Variants in PDXDC1 observed in about 807,000 individuals in gnomAD.
PDXDC1 encodes pyridoxal dependent decarboxylase domain containing 1.
In PDXDC1, 42 loss-of-function variants were observed where a neutral mutation model predicts 100.1. The ratio of observed to expected loss-of-function variants is 0.42; its 90% CI spans 0.33 to 0.54. The LOEUF (loss-of-function observed/expected upper bound fraction) is 0.54, where lower values mean the gene tolerates loss of function less well. Ranked by LOEUF, PDXDC1 falls within the 20% of genes least tolerant of loss-of-function variation. The pLI is 0.10. For synonymous variants in PDXDC1, 260 were observed against 371.7 expected, an observed-to-expected ratio of 0.70 and a Z score of 3.46; for missense variants, 636 against 979.2, an observed-to-expected ratio of 0.65 and a Z score of 4.68.
intron 16 of PDXDC1, among the ~76,000 whole-genome samples, chr16:15,099,624 G>A (rs1019191850): frequency 6.6e-6 from 1 of 151,190 alleles, no homozygotes; most frequent in African/African-American, 2.4e-5. Flanking sequence ...GGTGGGGGAG[G>A]GATAAAGAAA....
chr16:14,980,088 G>C (rs373140811), intron 1 of PDXDC1, among the ~76,000 whole-genome samples: 109 of 152,216 alleles, frequency 7.2e-4, no homozygotes, highest in Non-Finnish European at 1.3e-4. Context: ...GATGGGACTC[G>C]GCCATAGTAC....
At chr16:14,997,732 C>T (rs1597384390) in intron 1 of PDXDC1, 21 bp from the exon 2 acceptor site, 8 of 1,506,690 alleles carry the variant, frequency 5.3e-6, no homozygotes, top group South Asian at 1.2e-5. Flanking sequence ...AAATTTCTTT[C>T]TTTTTTTTTT....
intron 16 of PDXDC1, among the ~76,000 whole-genome samples, chr16:15,058,719 A>G (rs2044612571): frequency 6.6e-6 from 1 of 152,224 alleles, no homozygotes; most frequent in African/African-American, 2.4e-5. Flanking sequence ...TGACAGAGTG[A>G]GACTCTTGTC....
intron 16 of PDXDC1, among the ~76,000 whole-genome samples, chr16:15,129,141 T>G (rs916739913): frequency 2.0e-5 from 3 of 151,434 alleles, no homozygotes; most frequent in Non-Finnish European, 4.4e-5. Context: ...AAGAAAGAAC[T>G]GGGAAATGAA....
intron 16 of PDXDC1, among the ~76,000 whole-genome samples, chr16:15,095,567 A>G (rs965086698): frequency 1.3e-5 from 2 of 151,998 alleles, no homozygotes; most frequent in Non-Finnish European, 2.9e-5. Flanking sequence ...ATGCATATGT[A>G]TGGGCCCGGC....
intron 16 of PDXDC1, among the ~76,000 whole-genome samples, chr16:15,122,053 A>C (rs1218050528): frequency 6.6e-6 from 1 of 151,698 alleles, no homozygotes; most frequent in Non-Finnish European, 1.5e-5. Context: ...AATCTGAGCT[A>C]CTCAGGAGGC....
chr16:15,083,818 G>A (rs1358256712), intron 16 of PDXDC1: 4 of 408,160 alleles, frequency 9.8e-6, no homozygotes, highest in East Asian at 1.2e-4. Flanking sequence ...CCAGGTTCAA[G>A]CGATTCTCCT....
chr16:15,030,308 G>T (rs1160301905), intron 16 of PDXDC1, among the ~76,000 whole-genome samples: 1 of 152,234 alleles, frequency 6.6e-6, no homozygotes, highest in Non-Finnish European at 1.5e-5. Flanking sequence ...ACCTTGGGAG[G>T]CCAAGGCAGG....
chr16:15,046,400 G>C (rs1041983963), intron 16 of PDXDC1, among the ~76,000 whole-genome samples: 2 of 152,186 alleles, frequency 1.3e-5, no homozygotes, highest in Non-Finnish European at 2.9e-5. Flanking sequence ...ACAGGTGTGT[G>C]AACAGTGGTC....
At chr16:15,047,682 C>T in intron 16 of PDXDC1, 1 of 909,284 alleles carries the variant, frequency 1.1e-6, no homozygotes, top group South Asian at 1.4e-5. Context: ...CAGGTCTGTG[C>T]TCCCCAGCCA....
At chr16:15,034,860 A>C (rs1160830450) in intron 21 of PDXDC1, among the ~76,000 whole-genome samples, 1 of 152,192 alleles carries the variant, frequency 6.6e-6, no homozygotes, top group African/African-American at 2.4e-5. Flanking sequence ...ATTTTGGTTC[A>C]GGGTTAATAC....
At chr16:15,111,419 G>A (rs958685067) in intron 16 of PDXDC1, among the ~76,000 whole-genome samples, 2 of 135,522 alleles carry the variant, frequency 1.5e-5, no homozygotes, top group African/African-American at 5.4e-5. Context: ...TTGTGCCATT[G>A]CACTCCAACC....
intron 16 of PDXDC1, among the ~76,000 whole-genome samples, chr16:15,091,713 C>T (rs965358589): frequency 6.6e-6 from 1 of 152,174 alleles, no homozygotes; most frequent in Non-Finnish European, 1.5e-5. Flanking sequence ...AAAGTATTCA[C>T]TCAAATATGG....
At chr16:15,142,018 G>C (rs996113148), downstream of PDXDC1, among the ~76,000 whole-genome samples, 1 of 152,220 alleles carries the variant, frequency 6.6e-6, no homozygotes, top group African/African-American at 2.4e-5. Context: ...GGTGAACACA[G>C]GCAGGCCCCC....
At chr16:15,131,532 C>T in intron 16 of PDXDC1, 1 of 1,609,292 alleles carries the variant, frequency 6.2e-7, no homozygotes, top group Admixed American at 1.7e-5. Flanking sequence ...CCACGATCTC[C>T]TCGCCCGCCA....
intron 16 of PDXDC1, among the ~76,000 whole-genome samples, chr16:15,049,080 G>C (rs891413633): frequency 6.8e-6 from 1 of 147,300 alleles, no homozygotes; most frequent in African/African-American, 2.5e-5. Flanking sequence ...TTTTTGTAGC[G>C]ACGGGGTCTC....
intron 16 of PDXDC1, chr16:15,094,630 G>T (rs2046287178): frequency 7.4e-6 from 2 of 269,738 alleles, no homozygotes; most frequent in Non-Finnish European, 1.4e-5. Context: ...AGATCTTCAC[G>T]GAGGAAAGGG....
intron 16 of PDXDC1, chr16:15,128,471 G>T (rs1384984852): frequency 1.3e-6 from 1 of 789,820 alleles, no homozygotes; most frequent in East Asian, 2.6e-5. Context: ...CTCAGCTTTG[G>T]CCTCCGCGCA....
chr16:15,035,924 G>A lies in PDXDC1; in HGVS notation c.2108-92G>A, dbSNP rs2043411648. The A allele has an allele frequency of 1.1e-5, 15 of 1,333,230 alleles. No individual in the cohort carries two copies. In the East Asian group the frequency reaches 2.8e-4, roughly 25 times the overall value. The allele number at this position is 1,333,230 out of a possible 1,614,324, so 82.6% of individuals were successfully genotyped here. On this transcript the variant is annotated intron_variant, in intron 22 of 22. Transcript: ENST00000396410. ...TAAAGGTTTCTGCTGAAGCTGTGTT[G>A]TGAAATAAAGCAATTATCTGTTGCA...
Sources: gnomAD v4.1 joint callset for allele counts (sites outside exome capture counted in the v4.1 genomes callset) on GRCh38, gnomAD v4.1.1 for gene constraint, MANE v1.5 for transcripts, NCBI Gene and HGNC (gene_info 2026-07-23, HGNC 2026-07-21) for gene names.